The following SLC15A3 variants were observed in gnomAD, a reference collection of about 807,000 sequenced individuals.
SLC15A3 encodes osteoclast transporter.
SLC15A3 carries 39 observed loss-of-function variants against 49.2 expected under a neutral mutation model. The ratio of observed to expected loss-of-function variants is 0.79; its 90% CI spans 0.61 to 1.04. The LOEUF (loss-of-function observed/expected upper bound fraction) is 1.04. Ranked by LOEUF, SLC15A3 falls within the 50% of genes least tolerant of loss-of-function variation. The pLI is 0.00. For missense variants in SLC15A3, 758 were observed against 794.8 expected (o/e 0.95, Z 0.56); for synonymous variants, 339 against 367.0 (o/e 0.92, Z 0.87).
intron 4 of SLC15A3, 86 bp from the exon 5 acceptor site, chr11:60,941,376 C>A: frequency 7.3e-7 from 1 of 1,378,574 alleles, no homozygotes; most frequent in Non-Finnish European, 9.8e-7. Context: ...TAGACTGGCC[C>A]TGGGTGACCC....
At position 60,946,579 on chromosome 11, in the gene SLC15A3, G is replaced by A. The variant is rs777490457; in HGVS notation, c.801C>T (p.Leu267=). The A allele has an allele frequency of 1.1e-5, 17 of 1,599,590 alleles. No individual in the cohort carries two copies. In the African/African-American group the frequency reaches 1.5e-4, roughly 14 times the overall value. The change falls in exon 2 of 8, where the codon CTC becomes CTT. Residue 267 remains leucine, a synonymous_variant. Transcript: ENST00000227880. Reference sequence around the variant, plus strand: ...GCTGGGGGCAGCAGTTTTGGAGAGCGAGCTTAAGCATAGAGGACACTTGGC... The same window carrying A: ...GCTGGGGGCAGCAGTTTTGGAGAGCAAGCTTAAGCATAGAGGACACTTGGC... The part of the protein sequence containing the change: ...MGSQVSSMLK[L]ALQNCCPQLW...
intron 5 of SLC15A3, 180 bp from the exon 6 acceptor site, chr11:60,939,818 C>T: frequency 1.5e-6 from 1 of 662,546 alleles, no homozygotes; most frequent in Non-Finnish European, 2.5e-6. Flanking sequence ...CCAACTCCTC[C>T]CTTTTGGTCT....
Position 60,941,111 on chromosome 11 carries a change from C to T in SLC15A3, c.1276+11G>A. ...AAAGTTCAGCCCCCTGCCCCACACC[C>T]CTCTGCACACCTGCCACAATGACGG... On this transcript the variant is annotated intron_variant, in intron 5 of 7. Transcript: ENST00000227880. The T allele has an allele frequency of 6.2e-7, 1 of 1,610,098 alleles. No homozygotes were observed. The highest frequency in any genetic ancestry group is 8.5e-7 in the Non-Finnish European group (1 of 1,177,798).
Position 60,951,092 on chromosome 11 carries a change from T to C in SLC15A3, c.460A>G (p.Ser154Gly). The C allele has an allele frequency of 6.8e-7, 1 of 1,479,586 alleles. No homozygotes were observed. Among genetic ancestry groups the C allele is most frequent in the Admixed American group, 2.4e-5 (1 of 42,192 alleles). The allele number at this position is 1,479,586 out of a possible 1,614,324, so 91.7% of individuals were successfully genotyped here. A position where few individuals can be genotyped will look rare whatever the true frequency, so the allele number is the denominator to read the frequency against. The change falls in exon 1 of 8, where the codon AGC becomes GGC. Residue 154 changes from serine (S) to glycine (G), a missense_variant. Transcript: ENST00000227880. ...TAGAGGACGGGCGCGCAGTAGGGGC[T>C]GGGCGAGGAGCGCGGGCAGCCGGCC... is the stretch of plus-strand genomic sequence containing the variant. ...PSAGCPRSSP[S>G]PYCAPVLYAG...
At chr11:60,942,199 A>C in intron 3 of SLC15A3, 54 bp from the exon 4 acceptor site, 1 of 1,484,312 alleles carries the variant, frequency 6.7e-7, no homozygotes, top group African/African-American at 1.4e-5. Flanking sequence ...GCCCCCTCCC[A>C]ACTCCTAGGT....
At position 60,941,254 on chromosome 11, in the gene SLC15A3, C is replaced by A; in HGVS notation, c.1144G>T (p.Val382Leu). Residue 382 changes from valine (V) to leucine (L), a missense_variant, in exon 5 of 8, where the codon GTG (valine) becomes TTG (leucine). By Grantham distance (32) the Val-to-Leu change is conservative. Around this residue, in one of 3 missense-constraint regions of SLC15A3, gnomAD observed 699 missense variants for 706.7 expected, o/e 0.99. Transcript: ENST00000227880. ...TTCAGAGGGACCAGAATCAGCACCA[C>A]CACAACATTGGCCAGGAGGAGCCAG... Reference protein sequence around the residue: ...EAWLLLANVVVVLILVPLKDR... With the variant: ...EAWLLLANVVLVLILVPLKDR... 34 of 1,614,102 alleles carry A rather than the reference C, an allele frequency of 2.1e-5. No homozygotes were observed. Among genetic ancestry groups the A allele is most frequent in the Non-Finnish European group, 2.9e-5 (34 of 1,179,996 alleles).
At chr11:60,944,376 G>A (rs181139375) in intron 2 of SLC15A3, among the ~76,000 whole-genome samples, 2 of 152,210 alleles carry the variant, frequency 1.3e-5, no homozygotes, top group Admixed American at 1.3e-4. Context: ...ATCACCTTTA[G>A]TAAGGTGACT....
intron 6 of SLC15A3, among the ~76,000 whole-genome samples, chr11:60,939,091 G>A (rs754494464): frequency 1.5e-4 from 23 of 152,192 alleles, no homozygotes; most frequent in Non-Finnish European, 2.1e-4. Context: ...AACACGGGGC[G>A]GGAAGGGAGG....
At position 60,937,899 on chromosome 11, in the gene SLC15A3, C is replaced by A. The variant is rs1205145887; in HGVS notation, c.1562G>T (p.Gly521Val). Residue 521 changes from glycine to valine, a missense_variant, in exon 7 of 8, where the codon GGG becomes GTG. By Grantham distance (109) the Gly-to-Val change is moderately radical. Coordinates refer to ENST00000227880, the MANE Select transcript of SLC15A3 (RefSeq NM_016582.3). ...SSLVALLSLPGGWLHCPKDFG... is the reference protein window; with the variant it reads ...SSLVALLSLPVGWLHCPKDFG... ...GTCCTTGGGGCAGTGCAGCCAGCCC[C>A]CGGGCAAGGACAGCAGTGCCACTAG... 4.3e-6 allele frequency: 7 copies of A among 1,614,156 alleles called. No homozygotes were observed. Among genetic ancestry groups the A allele is most frequent in the South Asian group, 2.2e-5 (2 of 91,082 alleles).
At chr11:60,937,542 AG>A in intron 7 of SLC15A3, 169 bp from the exon 8 acceptor site, 1 of 870,192 alleles carries the variant, frequency 1.1e-6, no homozygotes, top group Non-Finnish European at 1.8e-6. Context: ...GAAGATCTCC[AG>A]GGGTGTCTAC....
Position 60,950,867 on chromosome 11 carries a change from C to A in SLC15A3, c.558+127G>T, listed in dbSNP as rs560683128. On this transcript the variant is annotated intron_variant, in intron 1 of 7. Transcript: ENST00000227880. The stretch of plus-strand genomic sequence containing the variant: ...CATCGGTTTTGCAAGGGCTAGCCCC[C>A]CTCTTCTTTCAAATCAGGAAACTAG... 4 of 1,015,598 alleles carry A rather than the reference C, an allele frequency of 3.9e-6. No individual in the cohort carries two copies. The Admixed American group carries it at 1.2e-4, about 30-fold the overall frequency. The allele number at this position is 1,015,598 out of a possible 1,614,324, so 62.9% of individuals were successfully genotyped here.
At chr11:60,942,404 G>A in intron 3 of SLC15A3, 1 of 404,390 alleles carries the variant, frequency 2.5e-6, no homozygotes, top group Non-Finnish European at 4.6e-6. Flanking sequence ...GGTCTGACTA[G>A]TATTTGTGTC....
intron 1 of SLC15A3, among the ~76,000 whole-genome samples, chr11:60,949,446 GAAAGAGAA>G (rs1348802922): frequency 7.6e-6 from 1 of 132,300 alleles, no homozygotes; most frequent in Admixed American, 7.9e-5. Context: ...AAGAAAGAAA[GAAAGAGAA>G]AGAAAGAGAG....
rs1343940615 is a variant in SLC15A3 at position 60,946,829 on chromosome 11, T to C, written c.559-8A>G. The C allele has an allele frequency of 6.2e-7, 1 of 1,604,666 alleles. No homozygotes were observed. Among genetic ancestry groups the C allele is most frequent in the East Asian group, 2.2e-5 (1 of 44,838 alleles). On this transcript the variant is annotated splice_region_variant and splice_polypyrimidine_tract_variant and intron_variant, in intron 1 of 7. Coordinates refer to ENST00000227880, the MANE Select transcript of SLC15A3 (RefSeq NM_016582.3). ...GCGGCCGAGATCCATCACCTGCCAT[T>C]CAGGAAGGGGTGACAGTGAGGGCCA...
chr11:60,938,627 G>A (rs926395431), intron 6 of SLC15A3, among the ~76,000 whole-genome samples: 7 of 152,160 alleles, frequency 4.6e-5, no homozygotes, highest in Middle Eastern at 3.4e-3. Flanking sequence ...CAGGCTCAGC[G>A]CACAAAGCCC....
At chr11:60,946,404 G>C (rs568122157) in intron 2 of SLC15A3, 128 bp downstream of exon 2, 1 of 1,088,256 alleles carries the variant, frequency 9.2e-7, no homozygotes, top group African/African-American at 1.6e-5. Context: ...CCACTGGAGA[G>C]CAGATCATCA....
chr11:60,937,822 A>G, intron 7 of SLC15A3, 48 bp downstream of exon 7: 1 of 1,589,424 alleles, frequency 6.3e-7, no homozygotes, highest in South Asian at 1.1e-5. Flanking sequence ...CCTCCTTTCC[A>G]AGCCTCCCTC....
Position 60,938,020 on chromosome 11 carries a change from C to G in SLC15A3, c.1441G>C (p.Glu481Gln), listed in dbSNP as rs377256065. Residue 481 changes from glutamate (E) to glutamine (Q), a missense_variant, in exon 7 of 8, where the codon GAG becomes CAG. By Grantham distance (29) the Glu-to-Gln change is conservative. Coordinates refer to ENST00000227880, the MANE Select transcript of SLC15A3 (RefSeq NM_016582.3). ...CGCGGGGCCTCTGAGTAGGCAAACT[C>G]CAGGCCTGCAGAGGGGGAGCAGAGA... ...SEIFASIPGL[E>Q]FAYSEAPRSM... The G allele has an allele frequency of 1.4e-5, 22 of 1,613,716 alleles. No homozygotes were observed. The highest frequency in any genetic ancestry group is 8.9e-5 in the East Asian group (4 of 44,880).
intron 1 of SLC15A3, chr11:60,947,681 C>T (rs1213489441): frequency 1.3e-5 from 2 of 152,180 alleles, no homozygotes; most frequent in Non-Finnish European, 2.9e-5. Context: ...CAGAGGTGGT[C>T]CCAGGCACAG....
Sources: gnomAD v4.1 joint callset for allele counts (sites outside exome capture counted in the v4.1 genomes callset) on GRCh38, gnomAD v4.1.1 for gene constraint, gnomAD v4.1.1 regional missense constraint, MANE v1.5 for transcripts, NCBI Gene and HGNC (gene_info 2026-07-23, HGNC 2026-07-21) for gene names.